Variants in IL21R observed in about 807,000 individuals in gnomAD.
IL21R encodes the protein interleukin-21 receptor.
IL21R carries 14 observed loss-of-function variants against 41.3 expected under a neutral mutation model. The ratio of observed to expected loss-of-function variants is 0.34; its 90% CI spans 0.22 to 0.53. The LOEUF (loss-of-function observed/expected upper bound fraction) is 0.53, where lower values mean the gene tolerates loss of function less well. IL21R is among the 20% of genes least tolerant of loss of function. The probability of loss-of-function intolerance (pLI) is 0.94; values close to 1 mark genes in which losing one functional copy is unlikely to be tolerated. For synonymous variants in IL21R, 286 were observed against 287.6 expected (o/e 0.99, Z 0.05); for missense variants, 588 against 681.6 (o/e 0.86, Z 1.53).
At chr16:27,416,941 C>T (rs179765) in intron 1 of IL21R, among the ~76,000 whole-genome samples, 24 of 152,120 alleles carry the variant, frequency 1.6e-4, no homozygotes, top group East Asian at 5.8e-4. Flanking sequence ...TTTTGTAGCA[C>T]GTATCAGTAG....
chr16:27,421,535 TAAAC>T (rs912325569), intron 1 of IL21R, among the ~76,000 whole-genome samples: 11 of 152,234 alleles, frequency 7.2e-5, no homozygotes, highest in African/African-American at 2.6e-4. Flanking sequence ...CTCACACTAA[TAAAC>T]AAATTCATCT....
intron 1 of IL21R, chr16:27,403,092 G>T: frequency 1.8e-6 from 1 of 565,872 alleles, no homozygotes; most frequent in Non-Finnish European, 3.2e-6. Context: ...GAGGCAATGA[G>T]GCTGCGAGAG....
At chr16:27,442,508 C>T (rs562071867) in intron 4 of IL21R, among the ~76,000 whole-genome samples, 7 of 152,054 alleles carry the variant, frequency 4.6e-5, no homozygotes, top group South Asian at 2.1e-4. Context: ...GGACTACAGG[C>T]GCCCGCCACC....
Position 27,450,857 on chromosome 16 carries a change from C to T in IL21R, c.*1574C>T. 4.3e-6 allele frequency: 1 copy of T among 232,986 alleles called. No homozygotes were observed. The highest frequency in any genetic ancestry group is 8.5e-6 in the Non-Finnish European group (1 of 117,850). 14.4% of individuals were successfully genotyped at this position (232,986 alleles called of 1,614,324 possible). ...TGTGCTGGAGGAGCCAGCTCTAGCT[C>T]ACCCATGCTTTTGCAACAGGGTCGG... On this transcript the variant is annotated 3_prime_UTR_variant, in exon 9 of 9. Coordinates refer to ENST00000337929, the MANE Select transcript of IL21R (RefSeq NM_181078.3).
chr16:27,449,325 C>T lies in IL21R; in HGVS notation c.*42C>T. ...TCCAGAGCTGGCCAGGCCACTGGGC[C>T]CTGAGCCAGAGACAAGGTCACCTGG... On this transcript the variant is annotated 3_prime_UTR_variant, in exon 9 of 9. Transcript: ENST00000337929. The T allele has an allele frequency of 6.5e-7, 1 of 1,528,646 alleles. No individual in the cohort carries two copies. The highest frequency in any genetic ancestry group is 8.8e-7 in the Non-Finnish European group (1 of 1,141,828). 94.7% of individuals were successfully genotyped at this position (1,528,646 alleles called of 1,614,324 possible).
At chr16:27,439,517 C>T (rs1265885417) in intron 4 of IL21R, among the ~76,000 whole-genome samples, 8 of 151,548 alleles carry the variant, frequency 5.3e-5, no homozygotes, top group East Asian at 3.9e-4. Context: ...CTTTCTCACA[C>T]GTGTGCACAC....
intron 1 of IL21R, among the ~76,000 whole-genome samples, chr16:27,419,052 CTAAAAA>C (rs2086954518): frequency 6.6e-6 from 1 of 151,932 alleles, no homozygotes; most frequent in African/African-American, 2.4e-5. Flanking sequence ...CCCATCTCTA[CTAAAAA>C]TACAAAATTG....
In IL21R at chr16:27,448,723, C is replaced by T. The variant is rs753850374; in HGVS notation, c.1057C>T (p.Pro353Ser). The T allele has an allele frequency of 6.2e-6, 10 of 1,613,390 alleles. No homozygotes were observed. In the Admixed American group the frequency reaches 1.7e-4, roughly 27 times the overall value. Reference protein sequence around the residue: ...SDGVPKPSFWPTAQNSGGSAY... With the variant: ...SDGVPKPSFWSTAQNSGGSAY... ...CGGTGTGCCCAAGCCCAGCTTCTGG[C>T]CGACAGCCCAGAACTCGGGGGGCTC... Residue 353 changes from proline (P) to serine (S), a missense_variant, in exon 9 of 9, where the codon CCG becomes TCG. By Grantham distance (74) the Pro-to-Ser change is moderately conservative. Coordinates refer to ENST00000337929, the MANE Select transcript of IL21R (RefSeq NM_181078.3).
rs553596346 is a variant in IL21R at position 27,450,582 on chromosome 16, C to CTT, written c.*1312_*1313dup. 363 of 189,838 alleles carry CTT rather than the reference C, an allele frequency of 1.9e-3. No homozygotes were observed. The highest frequency in any genetic ancestry group is 3.5e-3 in the Middle Eastern group (2 of 578). 11.8% of individuals were successfully genotyped at this position (189,838 alleles called of 1,614,324 possible). A position where few individuals can be genotyped will look rare whatever the true frequency, so the allele number is the denominator to read the frequency against. On this transcript the variant is annotated 3_prime_UTR_variant, in exon 9 of 9. Transcript: ENST00000337929. ...TATTTCTTAGCAACATTTTCTTTTTCTTTTTTTTTTTTTTCTTTTGAGACA... is the reference window on the plus strand; with the variant it reads ...TATTTCTTAGCAACATTTTCTTTTTCTTTTTTTTTTTTTTTTCTTTTGAGACA...
chr16:27,433,497 T>C (rs891722466), intron 2 of IL21R, among the ~76,000 whole-genome samples: 5 of 152,104 alleles, frequency 3.3e-5, no homozygotes, highest in Non-Finnish European at 7.4e-5. Flanking sequence ...AAGTTTCTAG[T>C]AAATAGCAGC....
intron 4 of IL21R, among the ~76,000 whole-genome samples, chr16:27,440,271 AGAGAGAGAGC>A: frequency 7.2e-6 from 1 of 139,822 alleles, no homozygotes; most frequent in African/African-American, 2.9e-5. Context: ...AGAGAGAGAG[AGAGAGAGAGC>A]GAGCAAGCGC....
intron 1 of IL21R, among the ~76,000 whole-genome samples, chr16:27,404,549 A>C (rs925115433): frequency 2.0e-4 from 31 of 152,126 alleles, no homozygotes; most frequent in Non-Finnish European, 3.5e-4. Context: ...TAAATAAATG[A>C]ATGAAAGGAA....
intron 1 of IL21R, among the ~76,000 whole-genome samples, chr16:27,425,565 T>A (rs1450338487): frequency 6.6e-6 from 1 of 152,020 alleles, no homozygotes; most frequent in East Asian, 1.9e-4. Flanking sequence ...TTTTGTTTTT[T>A]TTTGAGACAG....
chr16:27,431,909 T>C (rs1448668994), intron 2 of IL21R, among the ~76,000 whole-genome samples: 1 of 152,214 alleles, frequency 6.6e-6, no homozygotes, highest in Non-Finnish European at 1.5e-5. Flanking sequence ...CTCCCAAAAG[T>C]GCTGGGATTA....
chr16:27,446,589 T>TA (rs61289077), intron 8 of IL21R, among the ~76,000 whole-genome samples: 18,979 of 144,876 alleles, frequency 0.13, 1,623 homozygotes, highest in African/African-American at 0.24. Context: ...GACTATATCT[T>TA]AAAAAAAAAA....
At position 27,445,067 on chromosome 16, in the gene IL21R, C is replaced by A. The variant is rs958863577; in HGVS notation, c.686-110C>A. The A allele has an allele frequency of 8.2e-6, 6 of 732,582 alleles. No homozygotes were observed. The Admixed American group carries it at 1.3e-4, about 16-fold the overall frequency. The allele number at this position is 732,582 out of a possible 1,614,324, so 45.4% of individuals were successfully genotyped here. A position where few individuals can be genotyped will look rare whatever the true frequency, so the allele number is the denominator to read the frequency against. On this transcript the variant is annotated intron_variant, in intron 6 of 8. Transcript: ENST00000337929. Reference sequence around the variant, plus strand: ...CACTTCAAGACACTAGCAGTAACAGCCTCTCCTACCCTCTTCCACTCTACC... The same window carrying A: ...CACTTCAAGACACTAGCAGTAACAGACTCTCCTACCCTCTTCCACTCTACC...
intron 1 of IL21R, among the ~76,000 whole-genome samples, chr16:27,422,858 T>A (rs982496041): frequency 1.3e-5 from 2 of 152,194 alleles, no homozygotes; most frequent in African/African-American, 2.4e-5. Flanking sequence ...AAGCTAACTT[T>A]TTCTAGATCA....
chr16:27,409,680 A>C (rs2086798390), intron 1 of IL21R, among the ~76,000 whole-genome samples: 1 of 152,178 alleles, frequency 6.6e-6, no homozygotes, highest in Admixed American at 6.5e-5. Context: ...TGAATACATG[A>C]GTTTATTTCT....
intron 1 of IL21R, among the ~76,000 whole-genome samples, chr16:27,405,335 T>A (rs1476464376): frequency 6.6e-6 from 1 of 152,114 alleles, no homozygotes; most frequent in Non-Finnish European, 1.5e-5. Context: ...GACCGGCCTA[T>A]GTTTTACTTT....
Sources: gnomAD v4.1 joint callset for allele counts (sites outside exome capture counted in the v4.1 genomes callset) on GRCh38, gnomAD v4.1.1 for gene constraint, MANE v1.5 for transcripts, NCBI Gene and HGNC (gene_info 2026-07-23, HGNC 2026-07-21) for gene names.